Variants in AFAP1L2 observed in about 807,000 individuals in gnomAD.
AFAP1L2 encodes the protein actin filament-associated protein 1-like 2.
AFAP1L2 carries 46 observed loss-of-function variants against 99.3 expected under a neutral mutation model. That is an observed-to-expected ratio of 0.46 (90% CI 0.37 to 0.59). The LOEUF is 0.59. Ranked by LOEUF, AFAP1L2 falls within the 20% of genes least tolerant of loss-of-function variation. AFAP1L2 has a pLI of 0.00. For missense variants in AFAP1L2, 959 were observed against 1,034.9 expected (o/e 0.93, Z 1.01); for synonymous variants, 397 against 419.1 (o/e 0.95, Z 0.64).
At chr10:114,285,372 G>T in the AFAP1L2 span, among the ~76,000 whole-genome samples, 1 of 152,246 alleles carries the variant, frequency 6.6e-6, no homozygotes, top group African/African-American at 2.4e-5. Flanking sequence ...GAAGATGATA[G>T]TAGGCTTTAC....
At chr10:114,292,687 T>G (rs2039710442), downstream of AFAP1L2, among the ~76,000 whole-genome samples, 1 of 151,776 alleles carries the variant, frequency 6.6e-6, no homozygotes, top group African/African-American at 2.4e-5. Flanking sequence ...AGAGCTCTGA[T>G]GTGACTCCAG....
Position 114,309,109 on chromosome 10 carries a change from C to T in AFAP1L2, c.883-592G>A, listed in dbSNP as rs886095017. The stretch of plus-strand genomic sequence containing the variant: ...CCCTCAGAATATTCCAATCAAGCTG[C>T]GTTTAGAGAGTCACCGACTCCATAC... On this transcript the variant is annotated intron_variant, in intron 8 of 18. Coordinates refer to ENST00000304129, the MANE Select transcript of AFAP1L2 (RefSeq NM_001001936.3). Among the ~76,000 whole-genome samples, 9 of 152,120 alleles carry T rather than the reference C, an allele frequency of 5.9e-5. 1 individual carries two copies. The highest frequency in any genetic ancestry group is 1.9e-4 in the East Asian group (1 of 5,178).
intron 2 of AFAP1L2, among the ~76,000 whole-genome samples, chr10:114,337,149 A>G (rs1403644116): frequency 2.6e-5 from 4 of 152,252 alleles, no homozygotes; most frequent in Non-Finnish European, 5.9e-5. Context: ...GCGACACGAC[A>G]GTTAACTGCA....
chr10:114,370,826 C>T (rs2053992346), intron 1 of AFAP1L2, among the ~76,000 whole-genome samples: 1 of 152,180 alleles, frequency 6.6e-6, no homozygotes, highest in East Asian at 1.9e-4. Context: ...TCGAAAGCAC[C>T]TTTGGTATGG....
intron 1 of AFAP1L2, among the ~76,000 whole-genome samples, chr10:114,396,551 C>A (rs1169659367): frequency 1.3e-5 from 2 of 152,172 alleles, no homozygotes; most frequent in African/African-American, 4.8e-5. Flanking sequence ...CCCTCAAAAT[C>A]AATCCTAGCT....
At chr10:114,346,033 T>C (rs1337664318) in intron 1 of AFAP1L2, among the ~76,000 whole-genome samples, 1 of 152,112 alleles carries the variant, frequency 6.6e-6, no homozygotes, top group African/African-American at 2.4e-5. Flanking sequence ...GCCAGATGTG[T>C]GGGGAAGAGC....
At chr10:114,282,519 G>A in the AFAP1L2 span, 1 of 1,613,860 alleles carries the variant, frequency 6.2e-7, no homozygotes, top group Non-Finnish European at 8.5e-7. Flanking sequence ...ATTGTAGCTG[G>A]AAGAGAGTGT....
chr10:114,383,511 A>AT (rs910600008), intron 1 of AFAP1L2, among the ~76,000 whole-genome samples: 5 of 152,214 alleles, frequency 3.3e-5, no homozygotes, highest in African/African-American at 1.2e-4. Flanking sequence ...AGGGATTTTC[A>AT]TATTCTATGT....
intron 1 of AFAP1L2, chr10:114,399,004 A>G: frequency 9.5e-7 from 1 of 1,057,014 alleles, no homozygotes; most frequent in Non-Finnish European, 1.3e-6. Flanking sequence ...ATTTTGCTTC[A>G]TTTCTTTTTG....
At chr10:114,283,893 T>G in the AFAP1L2 span, among the ~76,000 whole-genome samples, 3 of 152,252 alleles carry the variant, frequency 2.0e-5, no homozygotes, top group African/African-American at 7.2e-5. Flanking sequence ...ATATTTTAAT[T>G]ACAATGATGT....
intron 11 of AFAP1L2, among the ~76,000 whole-genome samples, chr10:114,303,386 TAG>T (rs1297599488): frequency 3.3e-5 from 5 of 152,172 alleles, no homozygotes; most frequent in Non-Finnish European, 7.4e-5. Context: ...TGGCTCACTG[TAG>T]CCTCTGCCTC....
At chr10:114,307,934 T>C in intron 9 of AFAP1L2, 25 bp from the exon 10 acceptor site, 2 of 1,607,120 alleles carry the variant, frequency 1.2e-6, no homozygotes, top group Non-Finnish European at 1.7e-6. Context: ...CAGAAAGCAA[T>C]TCGTATTGCA....
downstream of AFAP1L2, among the ~76,000 whole-genome samples, chr10:114,294,135 A>G (rs543802669): frequency 1.3e-5 from 2 of 152,208 alleles, no homozygotes; most frequent in Admixed American, 6.5e-5. Context: ...GATAAACTCT[A>G]TTTGGTCATT....
chr10:114,349,778 T>A (rs1389758372), intron 1 of AFAP1L2, among the ~76,000 whole-genome samples: 2 of 150,350 alleles, frequency 1.3e-5, no homozygotes, highest in African/African-American at 4.9e-5. Context: ...TCAAGAAGTT[T>A]TTCTTTATCT....
At chr10:114,294,721 C>T (rs2039918779), downstream of AFAP1L2, 1 of 752,126 alleles carries the variant, frequency 1.3e-6, no homozygotes, top group Non-Finnish European at 1.6e-6. Flanking sequence ...GAGTTTCCTG[C>T]TAGGATCCCA....
rs547562841 is a variant in AFAP1L2, at chr10:114,332,068, T to C, written c.221-171A>G. The stretch of plus-strand genomic sequence containing the variant: ...AAGTTGTTTTTCCTCCCTGCAGTAA[T>C]AGGGTGCAGGAGTGCCCCAGACATG... On this transcript the variant is annotated intron_variant, in intron 3 of 18. Coordinates refer to ENST00000304129, the MANE Select transcript of AFAP1L2 (RefSeq NM_001001936.3). 6.6e-5 allele frequency among the ~76,000 whole-genome samples: 10 copies of C among 152,144 alleles called. 1 individual carries two copies. The highest frequency in any genetic ancestry group is 1.0e-4 in the Non-Finnish European group (7 of 68,024).
chr10:114,380,595 A>T (rs531649673), intron 1 of AFAP1L2, among the ~76,000 whole-genome samples: 2 of 152,216 alleles, frequency 1.3e-5, no homozygotes, highest in Non-Finnish European at 2.9e-5. Flanking sequence ...GTTTTTAAAA[A>T]GTAAGAGTGA....
intron 1 of AFAP1L2, among the ~76,000 whole-genome samples, chr10:114,380,075 C>T (rs1261070601): frequency 1.3e-5 from 2 of 152,248 alleles, no homozygotes; most frequent in African/African-American, 2.4e-5. Context: ...CAAACCCTCA[C>T]TTCCTTACTA....
intron 1 of AFAP1L2, among the ~76,000 whole-genome samples, chr10:114,352,786 T>C (rs1481112721): frequency 1.3e-5 from 2 of 152,242 alleles, no homozygotes; most frequent in African/African-American, 4.8e-5. Context: ...TTTTTCTCCA[T>C]CCTTCTGCCT....
Sources: allele counts gnomAD v4.1 joint callset (sites outside exome capture counted in the v4.1 genomes callset), GRCh38; gene constraint gnomAD v4.1.1; transcripts MANE v1.5; gene names NCBI Gene and HGNC (gene_info 2026-07-23, HGNC 2026-07-21).